The following AMER1 variants were observed in gnomAD, a reference collection of about 807,000 sequenced individuals.
AMER1 encodes the protein APC membrane recruitment protein 1, also known as RP11-403E24.2.
In AMER1, 16 loss-of-function variants were observed where a neutral mutation model predicts 53.0. The ratio of observed to expected loss-of-function variants is 0.30; its 90% CI spans 0.20 to 0.46. AMER1 has a LOEUF of 0.46. Ranked by LOEUF, AMER1 falls within the 20% of genes least tolerant of loss-of-function variation. AMER1 has a pLI of 1.00. For synonymous variants in AMER1, 354 were observed against 331.9 expected (o/e 1.07, Z -0.73); for missense variants, 947 against 884.9 (o/e 1.07, Z -0.89).
chrX:64,190,140 T>G lies in AMER1; in HGVS notation c.3147A>C (p.Arg1049=). Residue 1049 remains arginine (R), a synonymous_variant, in exon 2 of 2, where the codon CGA becomes CGC. Coordinates refer to ENST00000374869, the MANE Select transcript of AMER1 (RefSeq NM_152424.4). ...GCTCATCAACAGGCAGCAGCACATC[T>G]CGAGGCCTGGCCCTCATGCTCTGGG... ...QASQSMRARP[R]DVLLPVDEPS... is the part of the protein sequence containing the mutation. 2 of 1,207,960 alleles carry G rather than the reference T, an allele frequency of 1.7e-6. No homozygotes were observed. The highest frequency in any genetic ancestry group is 2.2e-6 in the Non-Finnish European group (2 of 893,559).
rs190629808 is a variant in AMER1 at position 64,192,972 on chromosome X, G to A, written c.315C>T (p.Gly105=). Residue 105 remains glycine (G), a synonymous_variant, in exon 2 of 2, where the codon GGC becomes GGT. Transcript: ENST00000374869. Reference sequence around the variant, plus strand: ...TTCCTTCACTGACAACATCTTCAGGGCCATGGGCTGCTTCACTCAGGCCAT... The same window carrying A: ...TTCCTTCACTGACAACATCTTCAGGACCATGGGCTGCTTCACTCAGGCCAT... The part of the protein sequence containing the change: ...THDGLSEAAH[G]PEDVVSEGTG... 3.0e-4 allele frequency: 369 copies of A among 1,209,891 alleles called. No individual in the cohort carries two copies. Among genetic ancestry groups the A allele is most frequent in the Admixed American group, 1.1e-3 (49 of 45,770 alleles).
In AMER1 at chrX:64,193,315, G is replaced by C. The variant is rs2147091618; in HGVS notation, c.-29C>G. ...GATGGGGACAACTGAGGTACGTCCA[G>C]CTGGAAATGCAGCCTCAGGCTTCCA... On this transcript the variant is annotated 5_prime_UTR_variant, in exon 2 of 2. Coordinates refer to ENST00000374869, the MANE Select transcript of AMER1 (RefSeq NM_152424.4). 8.3e-7 allele frequency: 1 copy of C among 1,211,188 alleles called. No individual in the cohort carries two copies. Among genetic ancestry groups the C allele is most frequent in the Non-Finnish European group, 1.1e-6 (1 of 895,521 alleles).
At position 64,188,270 on chromosome X, in the gene AMER1, A is replaced by C. The variant is rs1476449658; in HGVS notation, c.*1609T>G. 1.2e-6 allele frequency: 1 copy of C among 801,154 alleles called. No homozygotes were observed. The highest frequency in any genetic ancestry group is 1.5e-6 in the Non-Finnish European group (1 of 668,712). 66.0% of individuals were successfully genotyped at this position (801,154 alleles called of 1,213,427 possible). ...AATCATAATTTGAGTGAACACAGCC[A>C]AGCAAAAAATGTTCCATATGCCATT... On this transcript the variant is annotated 3_prime_UTR_variant, in exon 2 of 2. Transcript: ENST00000374869.
intron 1 of AMER1, among the ~76,000 whole-genome samples, chrX:64,197,914 C>T (rs1017259278): frequency 8.9e-6 from 1 of 112,799 alleles, no homozygotes; most frequent in East Asian, 2.8e-4. Flanking sequence ...AAATCAAGTG[C>T]ATTACATAGC....
At position 64,190,024 on chromosome X, in the gene AMER1, G is replaced by A. The variant is rs1359607854; in HGVS notation, c.3263C>T (p.Pro1088Leu). 3 of 1,206,871 alleles carry A rather than the reference G, an allele frequency of 2.5e-6. No individual in the cohort carries two copies. Among genetic ancestry groups the A allele is most frequent in the Non-Finnish European group, 1.1e-6 (1 of 892,881 alleles). ...CTGGGGGTGCTCAGGCCGGACCCTG[G>A]GCAGCTGAGGAATGCCATGGGTGAT... The part of the protein sequence containing the change: ...VGITHGIPQL[P>L]RVRPEHPQPQ... The change falls in exon 2 of 2, where the codon CCC (proline) becomes CTC (leucine). Residue 1088 changes from proline (P) to leucine (L), a missense_variant. Physicochemically the swap from Pro to Leu is moderately conservative, Grantham distance 98. Coordinates refer to ENST00000374869, the MANE Select transcript of AMER1 (RefSeq NM_152424.4).
chrX:64,194,790 C>A (rs1266073884), intron 1 of AMER1, among the ~76,000 whole-genome samples: 3 of 111,701 alleles, frequency 2.7e-5, no homozygotes, highest in Non-Finnish European at 5.6e-5. Flanking sequence ...GACTGTGGAC[C>A]AGCACTGAGC....
Position 64,188,378 on chromosome X carries a change from G to T in AMER1, c.*1501C>A. 1.2e-6 allele frequency: 1 copy of T among 804,134 alleles called. No homozygotes were observed. Among genetic ancestry groups the T allele is most frequent in the East Asian group, 7.1e-5 (1 of 14,081 alleles). 66.3% of individuals were successfully genotyped at this position (804,134 alleles called of 1,213,427 possible). On this transcript the variant is annotated 3_prime_UTR_variant, in exon 2 of 2. Coordinates refer to ENST00000374869, the MANE Select transcript of AMER1 (RefSeq NM_152424.4). The stretch of plus-strand genomic sequence containing the variant: ...CTTGGCAAGATTAGCCTGTTCCAAT[G>T]TCTTCCTGACAGCAAGCTCTTCCCC...
Position 64,189,793 on chromosome X carries a change from A to ACCGGGCCCCCCCCCCCCCC in AMER1, c.*85_*86insGGGGGGGGGGGGGGCCCGG. The ACCGGGCCCCCCCCCCCCCC allele has an allele frequency of 3.4e-6, 1 of 292,072 alleles. No individual in the cohort carries two copies. Among genetic ancestry groups the ACCGGGCCCCCCCCCCCCCC allele is most frequent in the East Asian group, 1.7e-4 (1 of 5,962 alleles). 24.1% of individuals were successfully genotyped at this position (292,072 alleles called of 1,213,427 possible). On this transcript the variant is annotated 3_prime_UTR_variant, in exon 2 of 2. Coordinates refer to ENST00000374869, the MANE Select transcript of AMER1 (RefSeq NM_152424.4). ...CAAAGGGTTTTCAAGTTAAACAACA[A>ACCGGGCCCCCCCCCCCCCC]CCCCCACCCCCCCACCCTTCTGCCC...
chrX:64,189,514 G>GTATGTA lies in AMER1; in HGVS notation c.*364_*365insTACATA, dbSNP rs1930186743. 3.6e-5 allele frequency: 1 copy of GTATGTA among 28,073 alleles called. No individual in the cohort carries two copies. Among genetic ancestry groups the GTATGTA allele is most frequent in the Non-Finnish European group, 5.5e-5 (1 of 18,344 alleles). The allele number at this position is 28,073 out of a possible 1,213,427, so 2.3% of individuals were successfully genotyped here. On this transcript the variant is annotated 3_prime_UTR_variant, in exon 2 of 2. Coordinates refer to ENST00000374869, the MANE Select transcript of AMER1 (RefSeq NM_152424.4). ...TGTGTGTGTGTGTGTGTGTGTGTGT[G>GTATGTA]TATATATATATATATATATATATAT...
chrX:64,193,501 A>G (rs1930304546), intron 1 of AMER1, 117 bp from the exon 2 acceptor site: 1 of 504,341 alleles, frequency 2.0e-6, no homozygotes, highest in South Asian at 3.1e-5. Flanking sequence ...AAATGATGGA[A>G]AATGTGGGGC....
rs781369600 is a variant in AMER1, at chrX:64,193,019, G to T, written c.268C>A (p.Leu90Ile). 1 of 1,211,820 alleles carries T rather than the reference G, an allele frequency of 8.3e-7. No homozygotes were observed. The highest frequency in any genetic ancestry group is 3.0e-5 in the East Asian group (1 of 33,849). The stretch of plus-strand genomic sequence containing the variant: ...CCATCGTGGGTCTTGCTCTTGCTGA[G>T]ACCTTTCTTGGAGCTGCCTTTCCCA... ...GSGKGSSKKG[L>I]SKSKTHDGLS... Residue 90 changes from leucine to isoleucine, a missense_variant, in exon 2 of 2, where the codon CTC (leucine) becomes ATC (isoleucine). Coordinates refer to ENST00000374869, the MANE Select transcript of AMER1 (RefSeq NM_152424.4).
Position 64,189,793 on chromosome X carries a change from A to ACCGGGCCCCCCCC in AMER1, c.*85_*86insGGGGGGGGCCCGG. Reference sequence around the variant, plus strand: ...CAAAGGGTTTTCAAGTTAAACAACAACCCCCACCCCCCCACCCTTCTGCCC... The same window carrying ACCGGGCCCCCCCC: ...CAAAGGGTTTTCAAGTTAAACAACAACCGGGCCCCCCCCCCCCCACCCCCCCACCCTTCTGCCC... On this transcript the variant is annotated 3_prime_UTR_variant, in exon 2 of 2. Coordinates refer to ENST00000374869, the MANE Select transcript of AMER1 (RefSeq NM_152424.4). The ACCGGGCCCCCCCC allele has an allele frequency of 3.4e-6, 1 of 292,072 alleles. No individual in the cohort carries two copies. Among genetic ancestry groups the ACCGGGCCCCCCCC allele is most frequent in the Non-Finnish European group, 4.9e-6 (1 of 204,832 alleles). 24.1% of individuals were successfully genotyped at this position (292,072 alleles called of 1,213,427 possible).
At chrX:64,200,484 C>T (rs884562) in intron 1 of AMER1, among the ~76,000 whole-genome samples, 1 of 111,607 alleles carries the variant, frequency 9.0e-6, no homozygotes, top group African/African-American at 3.3e-5. Context: ...AATTGAATTG[C>T]GGACCAGGAG....
Position 64,188,787 on chromosome X carries a change from T to C in AMER1, c.*1092A>G, listed in dbSNP as rs1024362283. The C allele has an allele frequency of 2.5e-6, 2 of 802,572 alleles. No homozygotes were observed. The highest frequency in any genetic ancestry group is 4.4e-5 in the African/African-American group (2 of 45,378). 66.1% of individuals were successfully genotyped at this position (802,572 alleles called of 1,213,427 possible). On this transcript the variant is annotated 3_prime_UTR_variant, in exon 2 of 2. Transcript: ENST00000374869. ...ATAAATGGACCCTCATTTTCTATCT[T>C]TCCCCTACACTCCACAAAAACCCCA...
In AMER1 at chrX:64,189,670, C is replaced by T. The variant is rs1930195803; in HGVS notation, c.*209G>A. The T allele has an allele frequency of 5.7e-6, 6 of 1,054,895 alleles. No homozygotes were observed. Among genetic ancestry groups the T allele is most frequent in the Non-Finnish European group, 7.3e-6 (6 of 823,700 alleles). The allele number at this position is 1,054,895 out of a possible 1,213,427, so 86.9% of individuals were successfully genotyped here. On this transcript the variant is annotated 3_prime_UTR_variant, in exon 2 of 2. Transcript: ENST00000374869. ...ACTGGAGTGCAGTAGCAGCAGCAGCCTCCCTGGGCAGATGCACTTGAGTTG... is the reference window on the plus strand; with the variant it reads ...ACTGGAGTGCAGTAGCAGCAGCAGCTTCCCTGGGCAGATGCACTTGAGTTG...
In AMER1 at chrX:64,191,154, C is replaced by T. The variant is rs1344638600; in HGVS notation, c.2133G>A (p.Lys711=). 1.1e-4 allele frequency: 131 copies of T among 1,210,880 alleles called. No homozygotes were observed. The highest frequency in any genetic ancestry group is 1.4e-4 in the Non-Finnish European group (129 of 895,460). Residue 711 remains lysine, a synonymous_variant, in exon 2 of 2, where the codon AAG becomes AAA. Coordinates refer to ENST00000374869, the MANE Select transcript of AMER1 (RefSeq NM_152424.4). ...LEKRYEGTCS[K]KDQSTCLMQL... is the part of the protein sequence containing the mutation. The stretch of plus-strand genomic sequence containing the variant: ...GCATCAGGCAGGTACTTTGATCTTT[C>T]TTGGAGCAGGTTCCTTCATAACGCT...
At position 64,193,011 on chromosome X, in the gene AMER1, C is replaced by T. The variant is rs1930289909; in HGVS notation, c.276G>A (p.Lys92=). Residue 92 remains lysine, a synonymous_variant, in exon 2 of 2, where the codon AAG becomes AAA. Transcript: ENST00000374869. ...GKGSSKKGLS[K]SKTHDGLSEA... is the part of the protein sequence containing the mutation. ...CACTCAGGCCATCGTGGGTCTTGCT[C>T]TTGCTGAGACCTTTCTTGGAGCTGC... 8.3e-7 allele frequency: 1 copy of T among 1,210,089 alleles called. No homozygotes were observed. The highest frequency in any genetic ancestry group is 1.1e-6 in the Non-Finnish European group (1 of 895,242).
rs1297182380 is a variant in AMER1 at position 64,189,040 on chromosome X, TTC to T, written c.*837_*838del. The T allele has an allele frequency of 8.7e-6, 7 of 802,217 alleles. No homozygotes were observed. Among genetic ancestry groups the T allele is most frequent in the East Asian group, 1.4e-4 (2 of 14,096 alleles). The allele number at this position is 802,217 out of a possible 1,213,427, so 66.1% of individuals were successfully genotyped here. On this transcript the variant is annotated 3_prime_UTR_variant, in exon 2 of 2. Coordinates refer to ENST00000374869, the MANE Select transcript of AMER1 (RefSeq NM_152424.4). ...GTCCACAACAGAACCTTGTTTTGTC[TTC>T]TGTTTGCAAATGGATGAATTTTATC... is the stretch of plus-strand genomic sequence containing the variant.
Position 64,189,792 on chromosome X carries a change from A to AACCC in AMER1, c.*83_*86dup. On this transcript the variant is annotated 3_prime_UTR_variant, in exon 2 of 2. Transcript: ENST00000374869. ...CCAAAGGGTTTTCAAGTTAAACAACAACCCCCACCCCCCCACCCTTCTGCC... is the reference window on the plus strand; with the variant it reads ...CCAAAGGGTTTTCAAGTTAAACAACAACCCACCCCCACCCCCCCACCCTTCTGCC... 6.7e-6 allele frequency: 5 copies of AACCC among 746,976 alleles called. No individual in the cohort carries two copies. The highest frequency in any genetic ancestry group is 3.2e-5 in the South Asian group (1 of 31,402). 61.6% of individuals were successfully genotyped at this position (746,976 alleles called of 1,213,427 possible).
Sources: gnomAD v4.1 joint callset for allele counts (sites outside exome capture counted in the v4.1 genomes callset) on GRCh38, gnomAD v4.1.1 for gene constraint, MANE v1.5 for transcripts, NCBI Gene and HGNC (gene_info 2026-07-23, HGNC 2026-07-21) for gene names.